The following ACBD3 variants were observed in gnomAD, a reference collection of about 807,000 sequenced individuals.
The protein encoded by ACBD3 is acyl-CoA binding domain containing 3.
In ACBD3, 30 loss-of-function variants were observed where a neutral mutation model predicts 66.9. That is an observed-to-expected ratio of 0.45 (90% CI 0.34 to 0.61). The LOEUF is 0.61. Ranked by LOEUF, ACBD3 falls within the 20% of genes least tolerant of loss-of-function variation. The probability of loss-of-function intolerance (pLI) is 0.02; values close to 1 mark genes in which losing one functional copy is unlikely to be tolerated. For missense variants in ACBD3, 544 were observed against 664.5 expected (o/e 0.82, Z 1.99); for synonymous variants, 278 against 259.8 (o/e 1.07, Z -0.68).
intron 1 of ACBD3, among the ~76,000 whole-genome samples, chr1:226,166,229 C>T (rs1304855414): frequency 6.6e-6 from 1 of 151,602 alleles, no homozygotes; most frequent in Non-Finnish European, 1.5e-5. Flanking sequence ...GATGAAGGCT[C>T]ACTGAAGCCT....
intron 5 of ACBD3, among the ~76,000 whole-genome samples, chr1:226,156,888 A>C (rs930460870): frequency 6.6e-5 from 10 of 152,118 alleles, no homozygotes; most frequent in Non-Finnish European, 1.0e-4. Context: ...CCTCATCTCC[A>C]CTAATCCTTT....
chr1:226,159,812 C>T (rs1477215494), intron 4 of ACBD3, among the ~76,000 whole-genome samples: 6 of 152,136 alleles, frequency 3.9e-5, no homozygotes, highest in Admixed American at 3.9e-4. Flanking sequence ...CACTAATTTA[C>T]CACGATGCTT....
intron 1 of ACBD3, among the ~76,000 whole-genome samples, chr1:226,181,849 A>C (rs1412895299): frequency 1.3e-5 from 2 of 152,198 alleles, no homozygotes; most frequent in Non-Finnish European, 2.9e-5. Context: ...AGAAGTATAA[A>C]GGTCATAATA....
rs945041511 is a variant in ACBD3, at chr1:226,144,814, C to A, written c.*1796G>T. 3.3e-5 allele frequency: 5 copies of A among 152,570 alleles called. No individual in the cohort carries two copies. Among genetic ancestry groups the A allele is most frequent in the African/African-American group, 1.2e-4 (5 of 41,424 alleles). The allele number at this position is 152,570 out of a possible 1,614,324, so 9.5% of individuals were successfully genotyped here. On this transcript the variant is annotated 3_prime_UTR_variant, in exon 8 of 8. Transcript: ENST00000366812. Reference sequence around the variant, plus strand: ...AAAATATTCTGACATGAACACATGACAGGAACCGCTGCTATGTAAAGTAAC... The same window carrying A: ...AAAATATTCTGACATGAACACATGAAAGGAACCGCTGCTATGTAAAGTAAC...
intron 1 of ACBD3, among the ~76,000 whole-genome samples, chr1:226,173,166 G>A (rs1012592384): frequency 1.3e-5 from 2 of 151,904 alleles, no homozygotes; most frequent in Non-Finnish European, 2.9e-5. Context: ...CAGCTACTAG[G>A]GTGGCCAAGA....
chr1:226,182,624 AAT>A (rs1382911345), intron 1 of ACBD3, among the ~76,000 whole-genome samples: 3 of 152,088 alleles, frequency 2.0e-5, no homozygotes, highest in African/African-American at 7.2e-5. Flanking sequence ...AGAAAAAAAA[AAT>A]GACAATGGCA....
intron 1 of ACBD3, among the ~76,000 whole-genome samples, chr1:226,173,664 C>T (rs908359109): frequency 4.6e-5 from 7 of 151,798 alleles, no homozygotes; most frequent in Non-Finnish European, 1.0e-4. Context: ...AAGGTTACAG[C>T]TCTCTTACTC....
chr1:226,184,101 G>A (rs1239021342), intron 1 of ACBD3, among the ~76,000 whole-genome samples: 1 of 152,174 alleles, frequency 6.6e-6, no homozygotes, highest in Non-Finnish European at 1.5e-5. Context: ...TGAGGCAGGA[G>A]AATGGAGTGA....
intron 7 of ACBD3, among the ~76,000 whole-genome samples, chr1:226,149,178 A>G (rs1005361345): frequency 3.3e-5 from 5 of 152,180 alleles, no homozygotes; most frequent in African/African-American, 1.2e-4. Context: ...GGAGAAATAC[A>G]TTACCTCAAC....
chr1:226,179,669 C>T (rs1221622686), intron 1 of ACBD3, among the ~76,000 whole-genome samples: 2 of 151,466 alleles, frequency 1.3e-5, no homozygotes, highest in Non-Finnish European at 2.9e-5. Context: ...CCAGCCTGAC[C>T]CAACATGGAG....
At chr1:226,171,710 G>A (rs997102604) in intron 1 of ACBD3, among the ~76,000 whole-genome samples, 2 of 147,896 alleles carry the variant, frequency 1.4e-5, no homozygotes, top group Non-Finnish European at 3.0e-5. Context: ...GCTAATTTTT[G>A]TATTTTTCAC....
chr1:226,179,778 A>C (rs1576242154), intron 1 of ACBD3, among the ~76,000 whole-genome samples: 1 of 152,104 alleles, frequency 6.6e-6, no homozygotes, highest in Non-Finnish European at 1.5e-5. Flanking sequence ...GAATCGCTTG[A>C]ACCCAGAAGG....
intron 7 of ACBD3, among the ~76,000 whole-genome samples, chr1:226,149,883 A>G (rs1659534277): frequency 6.6e-6 from 1 of 151,882 alleles, no homozygotes; most frequent in African/African-American, 2.4e-5. Context: ...TATGCATACA[A>G]AAAACTTTCC....
At chr1:226,174,323 C>A (rs753988001) in intron 1 of ACBD3, among the ~76,000 whole-genome samples, 53 of 152,122 alleles carry the variant, frequency 3.5e-4, no homozygotes, top group Admixed American at 4.6e-4. Flanking sequence ...ATTCTGCTTT[C>A]TATGGCAAAC....
chr1:226,152,506 C>T lies in ACBD3; in HGVS notation c.1204G>A (p.Val402Met), dbSNP rs1199380483. ...TGGGTGGGTACTCGAACAGTGACCA[C>T]TTCTCCTCGGCCCACTGTAATCACG... ...DSVITVGRGE[V>M]VTVRVPTHEE... Residue 402 changes from valine to methionine, a missense_variant, in exon 7 of 8, where the codon GTG (valine) becomes ATG (methionine). Around this residue, in one of 3 missense-constraint regions of ACBD3, gnomAD observed 383 missense variants for 462.4 expected, o/e 0.83. Transcript: ENST00000366812. 4 of 1,614,210 alleles carry T rather than the reference C, an allele frequency of 2.5e-6. No individual in the cohort carries two copies. Among genetic ancestry groups the T allele is most frequent in the Non-Finnish European group, 3.4e-6 (4 of 1,180,030 alleles).
chr1:226,160,114 C>T (rs1424076888), intron 4 of ACBD3, among the ~76,000 whole-genome samples: 3 of 144,468 alleles, frequency 2.1e-5, no homozygotes, highest in South Asian at 2.2e-4. Flanking sequence ...TTTTTTGAGA[C>T]GGAGTTTCAC....
At chr1:226,152,835 C>G (rs1174879244) in intron 6 of ACBD3, among the ~76,000 whole-genome samples, 1 of 152,196 alleles carries the variant, frequency 6.6e-6, no homozygotes, top group Non-Finnish European at 1.5e-5. Flanking sequence ...GGTCATCGTA[C>G]TTCTTCAAGT....
intron 2 of ACBD3, 74 bp from the exon 3 acceptor site, chr1:226,165,003 G>T: frequency 7.2e-7 from 1 of 1,389,358 alleles, no homozygotes; most frequent in South Asian, 1.7e-5. Context: ...ACCTAAATAT[G>T]AATAATTCTC....
chr1:226,168,509 G>GA (rs1432613564), intron 1 of ACBD3, among the ~76,000 whole-genome samples: 2 of 152,170 alleles, frequency 1.3e-5, no homozygotes, highest in Non-Finnish European at 2.9e-5. Flanking sequence ...AGGGAAAGTC[G>GA]AAACAACATG....
Sources: allele counts gnomAD v4.1 joint callset (sites outside exome capture counted in the v4.1 genomes callset), GRCh38; gene constraint gnomAD v4.1.1; regional missense constraint gnomAD v4.1.1; transcripts MANE v1.5; gene names NCBI Gene and HGNC (gene_info 2026-07-23, HGNC 2026-07-21).